Variants in KCNMB4 observed in about 807,000 individuals in gnomAD.
KCNMB4 encodes the protein calcium-activated potassium channel subunit beta-4.
KCNMB4 carries 3 observed loss-of-function variants against 20.7 expected under a neutral mutation model. The observed-to-expected ratio is 0.14, with a 90% CI of 0.07 to 0.37. The LOEUF is 0.37. KCNMB4 is among the 10% of genes least tolerant of loss of function. The pLI, the probability that KCNMB4 is intolerant of heterozygous loss-of-function variation, is 1.00. For synonymous variants in KCNMB4, 110 were observed against 113.4 expected (o/e 0.97, Z 0.19); for missense variants, 168 against 265.9 (o/e 0.63, Z 2.56).
At position 70,367,067 on chromosome 12, in the gene KCNMB4, C is replaced by A. The variant is rs766643802; in HGVS notation, c.333C>A (p.Pro111=). ...HSDEHQLLTN[P]KCSYIPPCKR... ...ACGAGCACCAGCTCCTGACCAACCC[C>A]AAGGTAAGAACGCCCCGCGCACCCA... is the stretch of plus-strand genomic sequence containing the variant. Residue 111 remains proline (P), a synonymous_variant, in exon 1 of 3, where the codon CCC becomes CCA. Transcript: ENST00000258111. 3 of 1,517,196 alleles carry A rather than the reference C, an allele frequency of 2.0e-6. No individual in the cohort carries two copies. Among genetic ancestry groups the A allele is most frequent in the Non-Finnish European group, 2.7e-6 (3 of 1,127,860 alleles). 94.0% of individuals were successfully genotyped at this position (1,517,196 alleles called of 1,614,324 possible). A position where few individuals can be genotyped will look rare whatever the true frequency, so the allele number is the denominator to read the frequency against.
intron 1 of KCNMB4, among the ~76,000 whole-genome samples, chr12:70,382,069 G>T (rs562881598): frequency 6.6e-4 from 101 of 152,172 alleles, no homozygotes; most frequent in Non-Finnish European, 1.4e-3. Flanking sequence ...AAAATACTAG[G>T]AATCATCAAA....
At chr12:70,382,212 G>A (rs1011090849) in intron 1 of KCNMB4, among the ~76,000 whole-genome samples, 2 of 151,790 alleles carry the variant, frequency 1.3e-5, no homozygotes, top group South Asian at 2.1e-4. Flanking sequence ...TTGGGAGGCC[G>A]AGGCGGGCGG....
At chr12:70,397,756 G>A (rs1376283293) in intron 1 of KCNMB4, among the ~76,000 whole-genome samples, 1 of 152,134 alleles carries the variant, frequency 6.6e-6, no homozygotes, top group Non-Finnish European at 1.5e-5. Flanking sequence ...TTCAAACTGA[G>A]TTAACTTAGA....
intron 2 of KCNMB4, among the ~76,000 whole-genome samples, chr12:70,426,293 CAAAA>C (rs11320040): frequency 9.2e-6 from 1 of 108,988 alleles, no homozygotes; most frequent in African/African-American, 3.6e-5. Context: ...GATTCCGTCT[CAAAA>C]AAAAAAAAAG....
chr12:70,420,635 C>T (rs1869026098), intron 2 of KCNMB4, among the ~76,000 whole-genome samples: 1 of 152,212 alleles, frequency 6.6e-6, no homozygotes. Context: ...CTGTAAGAAA[C>T]TACATCTGTG....
At chr12:70,416,566 T>C (rs912837724) in intron 2 of KCNMB4, among the ~76,000 whole-genome samples, 7 of 152,232 alleles carry the variant, frequency 4.6e-5, no homozygotes, top group Admixed American at 3.9e-4. Context: ...TTAATTGTTA[T>C]GCATATTTCT....
At position 70,430,707 on chromosome 12, in the gene KCNMB4, C is replaced by A; in HGVS notation, c.*54C>A. 6.8e-7 allele frequency: 1 copy of A among 1,473,694 alleles called. No homozygotes were observed. The highest frequency in any genetic ancestry group is 9.0e-7 in the Non-Finnish European group (1 of 1,114,252). The allele number at this position is 1,473,694 out of a possible 1,614,324, so 91.3% of individuals were successfully genotyped here. On this transcript the variant is annotated 3_prime_UTR_variant, in exon 3 of 3. Coordinates refer to ENST00000258111, the MANE Select transcript of KCNMB4 (RefSeq NM_014505.6). ...TACAGAAGCTGTACTCATCGGCACG[C>A]GTCCACCTGCGGAACCTGTGTTTCC...
chr12:70,377,951 T>A (rs1341203993), intron 1 of KCNMB4, among the ~76,000 whole-genome samples: 2 of 132,802 alleles, frequency 1.5e-5, no homozygotes, highest in Admixed American at 1.7e-4. Flanking sequence ...AAGCTCTACT[T>A]CTTTTTTTTT....
chr12:70,389,243 C>G (rs76803593), intron 1 of KCNMB4, among the ~76,000 whole-genome samples: 17,710 of 152,110 alleles, frequency 0.12, 1,281 homozygotes, highest in Middle Eastern at 0.22. Flanking sequence ...AATCATCTCC[C>G]TTTTTTATTT....
At chr12:70,402,923 TC>T (rs1868495398) in intron 2 of KCNMB4, among the ~76,000 whole-genome samples, 1 of 152,180 alleles carries the variant, frequency 6.6e-6, no homozygotes, top group Non-Finnish European at 1.5e-5. Flanking sequence ...GGAAAACTTT[TC>T]CCATCTTCCC....
chr12:70,367,722 C>T (rs192409262), intron 1 of KCNMB4, among the ~76,000 whole-genome samples: 22 of 152,096 alleles, frequency 1.4e-4, no homozygotes, highest in Non-Finnish European at 2.5e-4. Flanking sequence ...TACAGGGAGC[C>T]TAGTTACCCT....
intron 1 of KCNMB4, 68 bp from the exon 2 acceptor site, chr12:70,400,141 A>G (rs935258947): frequency 3.2e-6 from 4 of 1,245,354 alleles, no homozygotes; most frequent in Admixed American, 5.4e-5. Flanking sequence ...CCATCTTTCT[A>G]TAAAAAAAGA....
chr12:70,379,274 A>C (rs1161465286), intron 1 of KCNMB4, among the ~76,000 whole-genome samples: 1 of 152,192 alleles, frequency 6.6e-6, no homozygotes, highest in Non-Finnish European at 1.5e-5. Context: ...CTTTATAGCT[A>C]TGAAAGTCCT....
intron 2 of KCNMB4, among the ~76,000 whole-genome samples, chr12:70,427,876 G>C (rs1471659152): frequency 1.3e-5 from 2 of 152,152 alleles, no homozygotes; most frequent in East Asian, 3.8e-4. Context: ...GAATACAAAC[G>C]AGGATCCACG....
intron 1 of KCNMB4, among the ~76,000 whole-genome samples, chr12:70,397,022 G>T (rs1441973120): frequency 6.6e-6 from 1 of 152,146 alleles, no homozygotes; most frequent in Admixed American, 6.5e-5. Flanking sequence ...TTAAGGAAAT[G>T]GAGCCATAAT....
intron 2 of KCNMB4, among the ~76,000 whole-genome samples, chr12:70,428,709 T>C (rs1869277953): frequency 6.6e-6 from 1 of 152,204 alleles, no homozygotes; most frequent in South Asian, 2.1e-4. Flanking sequence ...TCTTTCTCAG[T>C]AGCAACATCT....
chr12:70,374,932 A>G (rs1369694271), intron 1 of KCNMB4, among the ~76,000 whole-genome samples: 1 of 152,206 alleles, frequency 6.6e-6, no homozygotes, highest in Non-Finnish European at 1.5e-5. Context: ...TTTGTAATAA[A>G]TATATTTATG....
chr12:70,426,201 G>A lies in KCNMB4; in HGVS notation c.465-4284G>A, dbSNP rs549449600. ...CCCAGCTACCCAGGAGGCTGAGGCA[G>A]GAGAATCGCTTGAACCCAGGAGGCG... On this transcript the variant is annotated intron_variant, in intron 2 of 2. Transcript: ENST00000258111. Among the ~76,000 whole-genome samples, 49 of 152,078 alleles carry A rather than the reference G, an allele frequency of 3.2e-4. No individual in the cohort carries two copies. The South Asian group carries it at 9.5e-3, about 30-fold the overall frequency.
intron 2 of KCNMB4, among the ~76,000 whole-genome samples, chr12:70,429,819 A>G (rs141786301): frequency 6.6e-6 from 1 of 152,318 alleles, no homozygotes; most frequent in Middle Eastern, 3.4e-3. Context: ...CACATTGACA[A>G]GACAGAAATC....
Sources: gnomAD v4.1 joint callset for allele counts (sites outside exome capture counted in the v4.1 genomes callset) on GRCh38, gnomAD v4.1.1 for gene constraint, MANE v1.5 for transcripts, NCBI Gene and HGNC (gene_info 2026-07-23, HGNC 2026-07-21) for gene names.